The following RARB variants were observed in gnomAD, a reference collection of about 807,000 sequenced individuals.
RARB encodes HBV-activated protein.
In RARB, 17 loss-of-function variants were observed where a neutral mutation model predicts 51.9. The ratio of observed to expected loss-of-function variants is 0.33; its 90% confidence interval spans 0.22 to 0.49. The LOEUF (loss-of-function observed/expected upper bound fraction) is 0.49, where lower values mean the gene tolerates loss of function less well. Ranked by LOEUF, RARB falls within the 20% of genes least tolerant of loss-of-function variation. The pLI, the probability that RARB is intolerant of heterozygous loss-of-function variation, is 0.99. For synonymous variants in RARB, 215 were observed against 195.4 expected (o/e 1.10, Z -0.84); for missense variants, 369 against 550.8 (o/e 0.67, Z 3.30).
At chr3:24,908,656 C>A (rs148714760) in intron 2 of RARB, among the ~76,000 whole-genome samples, 51 of 126,492 alleles carry the variant, frequency 4.0e-4, no homozygotes, top group African/African-American at 1.2e-3. Context: ...TTGAGGTAAC[C>A]ACAACTGTTT....
intron 5 of RARB, among the ~76,000 whole-genome samples, chr3:25,590,450 C>T (rs1701572443): frequency 6.6e-6 from 1 of 152,094 alleles, no homozygotes; most frequent in Non-Finnish European, 1.5e-5. Flanking sequence ...TATTTAGTAC[C>T]CATTTGATTC....
intron 5 of RARB, among the ~76,000 whole-genome samples, chr3:25,283,535 T>G (rs935212283): frequency 1.3e-5 from 2 of 152,228 alleles, no homozygotes; most frequent in Non-Finnish European, 2.9e-5. Context: ...ACATAATACC[T>G]GACACCTTAG....
chr3:25,294,763 C>T (rs1437380129), intron 5 of RARB, among the ~76,000 whole-genome samples: 2 of 148,332 alleles, frequency 1.3e-5, no homozygotes, highest in African/African-American at 5.1e-5. Flanking sequence ...TTCGTGGCCT[C>T]CCAGTCTTTT....
intron 3 of RARB, among the ~76,000 whole-genome samples, chr3:25,569,262 A>G (rs1479551338): frequency 6.6e-6 from 1 of 152,264 alleles, no homozygotes; most frequent in African/African-American, 2.4e-5. Context: ...CTCCTCTCAG[A>G]TGAGTTTCTT....
At chr3:25,328,888 G>C (rs1377854569) in intron 5 of RARB, among the ~76,000 whole-genome samples, 1 of 152,168 alleles carries the variant, frequency 6.6e-6, no homozygotes, top group African/African-American at 2.4e-5. Flanking sequence ...CCCGTGCCTG[G>C]CTCGGAGGGT....
At chr3:25,246,806 C>G (rs556019657) in intron 5 of RARB, among the ~76,000 whole-genome samples, 2 of 152,124 alleles carry the variant, frequency 1.3e-5, no homozygotes, top group African/African-American at 2.4e-5. Flanking sequence ...GTTTGGAGAC[C>G]CACTTGAGGA....
At chr3:25,460,912 G>C (rs1039875356) in intron 1 of RARB, among the ~76,000 whole-genome samples, 2 of 152,086 alleles carry the variant, frequency 1.3e-5, no homozygotes, top group African/African-American at 4.8e-5. Context: ...TTCTGTTTCT[G>C]TTGTGGCTAA....
intron 4 of RARB, among the ~76,000 whole-genome samples, chr3:25,168,104 A>G (rs1203692409): frequency 6.6e-6 from 1 of 152,258 alleles, no homozygotes; most frequent in African/African-American, 2.4e-5. Context: ...GGCAGACAAT[A>G]CAAATGAGAA....
intron 2 of RARB, among the ~76,000 whole-genome samples, chr3:24,972,371 C>G (rs1316943528): frequency 1.3e-5 from 2 of 151,958 alleles, no homozygotes; most frequent in Non-Finnish European, 1.5e-5. Flanking sequence ...ACTGTACTTT[C>G]TTTTTATCCA....
At chr3:25,303,495 T>A (rs1704088161) in intron 5 of RARB, among the ~76,000 whole-genome samples, 1 of 152,186 alleles carries the variant, frequency 6.6e-6, no homozygotes. Context: ...CATGACCGAC[T>A]GAGTGCCAAA....
intron 2 of RARB, among the ~76,000 whole-genome samples, chr3:24,946,167 A>AG (rs1445647516): frequency 2.0e-5 from 3 of 151,030 alleles, no homozygotes; most frequent in Non-Finnish European, 4.4e-5. Context: ...CGGGAGACTG[A>AG]GGAAGGAGAA....
intron 2 of RARB, among the ~76,000 whole-genome samples, chr3:24,881,084 C>T (rs1034129926): frequency 6.6e-6 from 1 of 152,158 alleles, no homozygotes; most frequent in African/African-American, 2.4e-5. Flanking sequence ...AGTGAGTTCT[C>T]ACTAGAGGTG....
chr3:25,468,571 C>T (rs540578047), intron 2 of RARB, among the ~76,000 whole-genome samples: 1 of 151,814 alleles, frequency 6.6e-6, no homozygotes, highest in Admixed American at 6.6e-5. Flanking sequence ...AAACACCCCA[C>T]TGCTTCAGCC....
chr3:25,057,206 C>T (rs969971003), intron 2 of RARB, among the ~76,000 whole-genome samples: 2 of 152,022 alleles, frequency 1.3e-5, no homozygotes, highest in Admixed American at 6.6e-5. Flanking sequence ...ACCCACAAAC[C>T]AGCCCGTGTT....
intron 2 of RARB, among the ~76,000 whole-genome samples, chr3:24,921,898 A>G (rs1695224131): frequency 6.6e-6 from 1 of 152,218 alleles, no homozygotes; most frequent in Non-Finnish European, 1.5e-5. Context: ...TAAGCAATTC[A>G]TGAATTTGCT....
In RARB at chr3:24,980,914, G is replaced by T. The variant is rs532945609; in HGVS notation, c.-379-79211G>T. Among the ~76,000 whole-genome samples, 5 of 152,222 alleles carry T rather than the reference G, an allele frequency of 3.3e-5. No homozygotes were observed. In the East Asian group the frequency reaches 5.8e-4, roughly 18 times the overall value. ...CATCTTAATAGATTTATCTACCTTT[G>T]GTCTTTGATGTTGGTGACCTGCAGA... On this transcript the variant is annotated intron_variant, in intron 2 of 11. Coordinates refer to the RARB transcript ENST00000383772.
At chr3:24,906,470 T>C (rs1376296381) in intron 2 of RARB, among the ~76,000 whole-genome samples, 4 of 152,164 alleles carry the variant, frequency 2.6e-5, no homozygotes, top group South Asian at 4.2e-4. Context: ...AGTACTTGAG[T>C]GTGAATTGGA....
At chr3:24,830,858 C>A (rs1448812222) in intron 1 of RARB, among the ~76,000 whole-genome samples, 1 of 151,710 alleles carries the variant, frequency 6.6e-6, no homozygotes, top group East Asian at 1.9e-4. Context: ...CCTAATTGGA[C>A]GCAGATTTAT....
intron 3 of RARB, among the ~76,000 whole-genome samples, chr3:25,506,268 A>AAAAAG (rs1310176240): frequency 6.6e-6 from 1 of 151,476 alleles, no homozygotes; most frequent in Non-Finnish European, 1.5e-5. Context: ...AAAAAAAAAA[A>AAAAAG]AAAAAAAACC....
Sources: gnomAD v4.1 joint callset for allele counts (sites outside exome capture counted in the v4.1 genomes callset) on GRCh38, gnomAD v4.1.1 for gene constraint, MANE v1.5 for transcripts, NCBI Gene and HGNC (gene_info 2026-07-23, HGNC 2026-07-21) for gene names.